Variants in HDAC9 observed in about 807,000 individuals in gnomAD.
The protein encoded by HDAC9 is histone deacetylase 9, also known as MEF-2 interacting transcription repressor (MITR) protein.
HDAC9 carries 41 observed loss-of-function variants against 139.4 expected under a neutral mutation model. That is an observed-to-expected ratio of 0.29 (90% confidence interval 0.23 to 0.38). The LOEUF (loss-of-function observed/expected upper bound fraction) is 0.38, where lower values mean the gene tolerates loss of function less well. Ranked by LOEUF, HDAC9 falls within the 10% of genes least tolerant of loss-of-function variation. HDAC9 has a pLI of 1.00. For missense variants in HDAC9, 1,147 were observed against 1,297.0 expected (o/e 0.88, Z 1.78); for synonymous variants, 517 against 476.2 (o/e 1.09, Z -1.12).
intron 17 of HDAC9, among the ~76,000 whole-genome samples, chr7:18,798,471 C>G (rs1043409743): frequency 1.3e-5 from 2 of 152,146 alleles, no homozygotes; most frequent in African/African-American, 4.8e-5. Flanking sequence ...CTTTCTAGGT[C>G]CATGGTAGCC....
At chr7:18,237,664 G>A (rs1793913275) in intron 2 of HDAC9, among the ~76,000 whole-genome samples, 2 of 152,076 alleles carry the variant, frequency 1.3e-5, no homozygotes, top group East Asian at 3.9e-4. Context: ...TACTGAGCTG[G>A]GTAATTGAGA....
upstream of HDAC9, among the ~76,000 whole-genome samples, chr7:18,287,138 G>A (rs1483360958): frequency 6.6e-6 from 1 of 151,914 alleles, no homozygotes; most frequent in Non-Finnish European, 1.5e-5. Flanking sequence ...TTTTCTGAGT[G>A]TATTTAAAGA....
intron 6 of HDAC9, among the ~76,000 whole-genome samples, chr7:18,595,001 C>T (rs1455072244): frequency 6.6e-6 from 1 of 151,764 alleles, no homozygotes; most frequent in Non-Finnish European, 1.5e-5. Flanking sequence ...TTCATTTTCC[C>T]AAGCAATTTT....
At chr7:18,673,706 G>T (rs1190294665) in intron 12 of HDAC9, among the ~76,000 whole-genome samples, 1 of 151,862 alleles carries the variant, frequency 6.6e-6, no homozygotes, top group Non-Finnish European at 1.5e-5. Context: ...TTTGTTAATT[G>T]ATAGATCTCA....
At chr7:18,834,991 TTTAAACA>T (rs1244140907) in intron 19 of HDAC9, among the ~76,000 whole-genome samples, 2 of 152,188 alleles carry the variant, frequency 1.3e-5, no homozygotes, top group African/African-American at 4.8e-5. Flanking sequence ...TGTAGTTTAG[TTTAAACA>T]TTAGTCTTTT....
At chr7:18,569,651 A>G (rs1823598971) in intron 2 of HDAC9, among the ~76,000 whole-genome samples, 3 of 152,356 alleles carry the variant, frequency 2.0e-5, no homozygotes, top group Admixed American at 6.5e-5. Flanking sequence ...CTAATTAAAT[A>G]GAAGCCATGG....
intron 22 of HDAC9, among the ~76,000 whole-genome samples, chr7:18,885,110 A>G (rs962139245): frequency 6.6e-6 from 1 of 152,224 alleles, no homozygotes; most frequent in Non-Finnish European, 1.5e-5. Flanking sequence ...TTCTGCTCGA[A>G]ACATTCTGCT....
intron 19 of HDAC9, among the ~76,000 whole-genome samples, chr7:18,834,497 A>AG (rs1471648064): frequency 6.6e-6 from 1 of 151,540 alleles, no homozygotes; most frequent in East Asian, 1.9e-4. Flanking sequence ...TAAAACAGTG[A>AG]GAAAAAAGAA....
intron 22 of HDAC9, among the ~76,000 whole-genome samples, chr7:18,913,061 TTC>T (rs1183465090): frequency 6.6e-6 from 1 of 152,104 alleles, no homozygotes; most frequent in Non-Finnish European, 1.5e-5. Context: ...CTTAAAAACT[TTC>T]TATTTCTCTT....
At chr7:18,241,807 G>T (rs1794205584) in intron 2 of HDAC9, among the ~76,000 whole-genome samples, 1 of 152,156 alleles carries the variant, frequency 6.6e-6, no homozygotes, top group Non-Finnish European at 1.5e-5. Context: ...GAAGAAAAGA[G>T]AGTAGTGGCA....
intron 1 of HDAC9, among the ~76,000 whole-genome samples, chr7:18,361,846 C>T (rs1783805661): frequency 6.6e-6 from 1 of 152,068 alleles, no homozygotes; most frequent in East Asian, 1.9e-4. Flanking sequence ...GGCATAAAGC[C>T]AACTAATTAC....
chr7:18,806,140 A>G (rs932571187), intron 17 of HDAC9, among the ~76,000 whole-genome samples: 25 of 152,344 alleles, frequency 1.6e-4, no homozygotes, highest in African/African-American at 5.5e-4. Context: ...GATAAAAACT[A>G]AAGAAAGACT....
chr7:18,553,880 G>T (rs1817905652), intron 2 of HDAC9, among the ~76,000 whole-genome samples: 1 of 152,148 alleles, frequency 6.6e-6, no homozygotes, highest in Admixed American at 6.5e-5. Context: ...GGGAGTAATG[G>T]ATAAGTTAAA....
intron 25 of HDAC9, among the ~76,000 whole-genome samples, chr7:18,988,789 G>A (rs568741901): frequency 0.11 from 16,679 of 151,460 alleles, 975 homozygotes; most frequent in Middle Eastern, 0.15. Context: ...AGCTCTTCTT[G>A]TTGAATTGAC....
chr7:18,147,908 C>T (rs1584325728), intron 1 of HDAC9, among the ~76,000 whole-genome samples: 1 of 151,970 alleles, frequency 6.6e-6, no homozygotes, highest in East Asian at 1.9e-4. Context: ...TCCATTTTGA[C>T]ATATATAGCT....
chr7:18,937,401 C>G (rs896918843), intron 23 of HDAC9, among the ~76,000 whole-genome samples: 3 of 152,130 alleles, frequency 2.0e-5, no homozygotes, highest in Non-Finnish European at 2.9e-5. Flanking sequence ...TTAGTGTCAA[C>G]AAAGTGCTGC....
intron 2 of HDAC9, among the ~76,000 whole-genome samples, chr7:18,539,045 A>T (rs1315567748): frequency 6.6e-6 from 1 of 152,116 alleles, no homozygotes; most frequent in African/African-American, 2.4e-5. Context: ...TGATGACCTT[A>T]TCTCATCTTA....
chr7:18,610,075 C>G (rs139015166), intron 6 of HDAC9, among the ~76,000 whole-genome samples: 23 of 152,282 alleles, frequency 1.5e-4, no homozygotes, highest in African/African-American at 5.3e-4. Context: ...GGTAATAAAT[C>G]ATGCTGCTAT....
chr7:18,959,197 G>A (rs1783361429), intron 24 of HDAC9, among the ~76,000 whole-genome samples: 1 of 152,026 alleles, frequency 6.6e-6, no homozygotes, highest in African/African-American at 2.4e-5. Context: ...GATTTGGGAG[G>A]GGAGGAACCA....
Sources: gnomAD v4.1 joint callset for allele counts (sites outside exome capture counted in the v4.1 genomes callset) on GRCh38, gnomAD v4.1.1 for gene constraint, MANE v1.5 for transcripts, NCBI Gene and HGNC (gene_info 2026-07-23, HGNC 2026-07-21) for gene names.